Variants in WDR13 observed in about 807,000 individuals in gnomAD.
WDR13 encodes the protein WD repeat domain 13.
Under a neutral mutation model 28.6 loss-of-function variants are expected in WDR13, and 1 was observed. The ratio of observed to expected loss-of-function variants is 0.03; its 90% CI spans 0.01 to 0.17. The LOEUF (loss-of-function observed/expected upper bound fraction) is 0.17. Among genes scored for constraint, WDR13 ranks in the 10% least tolerant of loss-of-function variants. The probability of loss-of-function intolerance (pLI) is 1.00; values close to 1 mark genes in which losing one functional copy is unlikely to be tolerated. For synonymous variants in WDR13, 201 were observed against 185.9 expected (o/e 1.08, Z -0.66); for missense variants, 264 against 469.3 (o/e 0.56, Z 4.04).
In WDR13 at chrX:48,606,089, G is replaced by T. The variant is rs1381748416; in HGVS notation, c.*1057G>T. 9.2e-6 allele frequency: 1 copy of T among 108,309 alleles called. No individual in the cohort carries two copies. Among genetic ancestry groups the T allele is most frequent in the Non-Finnish European group, 1.9e-5 (1 of 52,283 alleles). 8.9% of individuals were successfully genotyped at this position (108,309 alleles called of 1,213,427 possible). ...TAGGACTTTGGCTTTTTTTCTGAGT[G>T]GGGGTGACCAGAAGGTGTCAAGCAG... is the stretch of plus-strand genomic sequence containing the variant. On this transcript the variant is annotated 3_prime_UTR_variant, in exon 10 of 10. Coordinates refer to ENST00000376729, the MANE Select transcript of WDR13 (RefSeq NM_001347217.2).
At chrX:48,599,179 G>A in intron 3 of WDR13, 174 bp from the exon 4 acceptor site, 1 of 655,330 alleles carries the variant, frequency 1.5e-6, no homozygotes, top group Non-Finnish European at 2.3e-6. Context: ...GGGGAGGGCA[G>A]GAACAGCAGA....
chrX:48,597,917 C>T, intron 1 of WDR13, 41 bp from the exon 2 acceptor site: 1 of 1,146,914 alleles, frequency 8.7e-7, no homozygotes, highest in South Asian at 2.0e-5. Flanking sequence ...AACTAGATCC[C>T]TTCGCTCGGG....
chrX:48,604,189 C>T (rs2062206403), intron 8 of WDR13, 83 bp from the exon 9 acceptor site: 1 of 871,640 alleles, frequency 1.1e-6, no homozygotes, highest in South Asian at 2.2e-5. Context: ...AGAACTTAGG[C>T]ACAGGGGTGG....
At position 48,606,408 on chromosome X, in the gene WDR13, C is replaced by G. The variant is rs2062221222; in HGVS notation, c.*1376C>G. 1 of 110,997 alleles carries G rather than the reference C, an allele frequency of 9.0e-6. No homozygotes were observed. Among genetic ancestry groups the G allele is most frequent in the Non-Finnish European group, 1.9e-5 (1 of 52,970 alleles). The allele number at this position is 110,997 out of a possible 1,213,427, so 9.1% of individuals were successfully genotyped here. On this transcript the variant is annotated 3_prime_UTR_variant, in exon 10 of 10. Coordinates refer to ENST00000376729, the MANE Select transcript of WDR13 (RefSeq NM_001347217.2). ...AAGCAGGGAGCAGAGGTGTTGAGTC[C>G]TGGAGCCCCAAGCTGGTGCAGGAGC... is the stretch of plus-strand genomic sequence containing the variant.
Position 48,600,389 on chromosome X carries a change from C to T in WDR13, c.594C>T (p.Ser198=). ...GCTGCTCACTCGACGGCAGCATCTC[C>T]CTGTGCCAGCTGGTGCCTGCCCCAC... ...LACCSLDGSI[S]LCQLVPAPPT... The change falls in exon 6 of 10, where the codon TCC becomes TCT. Residue 198 remains serine (S), a synonymous_variant. Transcript: ENST00000376729. The T allele has an allele frequency of 3.3e-6, 4 of 1,211,141 alleles. No homozygotes were observed. Among genetic ancestry groups the T allele is most frequent in the Non-Finnish European group, 4.5e-6 (4 of 895,597 alleles).
At chrX:48,598,983 C>T (rs369349964) in intron 3 of WDR13, 26 bp downstream of exon 3, 19 of 1,180,028 alleles carry the variant, frequency 1.6e-5, no homozygotes, top group Non-Finnish European at 1.5e-5. Context: ...CATTCACCCC[C>T]GGGCATACCC....
At chrX:48,598,232 G>A (rs1450465118) in intron 2 of WDR13, 195 bp downstream of exon 2, 29 of 1,105,652 alleles carry the variant, frequency 2.6e-5, no homozygotes, top group Non-Finnish European at 3.4e-5. Flanking sequence ...AGCAAGCTGG[G>A]AAAATGTGGT....
intron 9 of WDR13, 49 bp downstream of exon 9, chrX:48,604,439 A>G (rs1556995508): frequency 5.4e-6 from 6 of 1,114,727 alleles, no homozygotes; most frequent in Non-Finnish European, 7.3e-6. Context: ...AGGGGCAGGA[A>G]CCAGGGCTGG....
At chrX:48,603,727 C>G (rs1447306100) in intron 8 of WDR13, among the ~76,000 whole-genome samples, 7 of 111,295 alleles carry the variant, frequency 6.3e-5, no homozygotes, top group African/African-American at 2.3e-4. Flanking sequence ...GAAACCCCCC[C>G]AGGTTACCTG....
intron 1 of WDR13, 151 bp from the exon 2 acceptor site, chrX:48,597,807 T>G (rs2062152635): frequency 1.4e-6 from 1 of 726,429 alleles, no homozygotes; most frequent in East Asian, 3.9e-5. Context: ...AGGGCAGGGC[T>G]GGGGTGATGA....
At chrX:48,601,353 G>A (rs1250754620) in intron 6 of WDR13, among the ~76,000 whole-genome samples, 1 of 112,458 alleles carries the variant, frequency 8.9e-6, no homozygotes, top group Non-Finnish European at 1.9e-5. Context: ...AGTCTGGTGT[G>A]GCCCGGGGTG....
At chrX:48,599,891 A>G in intron 5 of WDR13, 174 bp downstream of exon 5, 1 of 701,257 alleles carries the variant, frequency 1.4e-6, no homozygotes, top group Non-Finnish European at 2.0e-6. Flanking sequence ...TGCTTCGTCT[A>G]CTGGAAAGGG....
chrX:48,600,593 C>T lies in WDR13; in HGVS notation c.798C>T (p.Cys266=). The change falls in exon 6 of 10, where the codon TGC becomes TGT. Residue 266 remains cysteine (C), a synonymous_variant. Coordinates refer to ENST00000376729, the MANE Select transcript of WDR13 (RefSeq NM_001347217.2). The part of the protein sequence containing the change: ...PDPDSAELLC[C]TFQPVNNNLT... ...CCGATAGCGCTGAACTGCTCTGCTG[C>T]ACCTTCCAGCCTGTCAACAACAACC... The T allele has an allele frequency of 2.5e-6, 3 of 1,210,629 alleles. No individual in the cohort carries two copies. Among genetic ancestry groups the T allele is most frequent in the Non-Finnish European group, 2.2e-6 (2 of 894,940 alleles).
In WDR13 at chrX:48,599,642, G is replaced by A; in HGVS notation, c.448G>A (p.Gly150Arg). The A allele has an allele frequency of 2.5e-6, 3 of 1,212,692 alleles. No individual in the cohort carries two copies. The highest frequency in any genetic ancestry group is 3.3e-6 in the Non-Finnish European group (3 of 895,691). ...SAAEASRAMA[G>R]DTSLSENYAF... ...AGCAGAGGCAAGTCGGGCCATGGCC[G>A]GGGACACGTCACTGAGCGAGAACTA... The change falls in exon 5 of 10, where the codon GGG (glycine) becomes AGG (arginine). Residue 150 changes from glycine to arginine, a missense_variant. Transcript: ENST00000376729.
At position 48,600,377 on chromosome X, in the gene WDR13, C is replaced by G; in HGVS notation, c.582C>G (p.Asp194Glu). 1 of 1,209,985 alleles carries G rather than the reference C, an allele frequency of 8.3e-7. No homozygotes were observed. The change falls in exon 6 of 10, where the codon GAC (aspartate) becomes GAG (glutamate). Residue 194 changes from aspartate to glutamate, a missense_variant. By Grantham distance (45) the Asp-to-Glu change is conservative (BLOSUM62 2). Around this residue, in one of 4 missense-constraint regions of WDR13, gnomAD observed 157 missense variants for 270.2 expected, o/e 0.58. Transcript: ENST00000376729. Reference protein sequence around the residue: ...DRHRLACCSLDGSISLCQLVP... With the variant: ...DRHRLACCSLEGSISLCQLVP... ...ACCGCCTGGCCTGCTGCTCACTCGA[C>G]GGCAGCATCTCCCTGTGCCAGCTGG...
rs2062225934 is a variant in WDR13, at chrX:48,607,307, C to T, written c.*2275C>T. On this transcript the variant is annotated 3_prime_UTR_variant, in exon 10 of 10. Coordinates refer to ENST00000376729, the MANE Select transcript of WDR13 (RefSeq NM_001347217.2). The stretch of plus-strand genomic sequence containing the variant: ...GACAATACATGCGAAATGTTGCTGA[C>T]CAAGGAAGCTCAATTAGAGACTCAG... 1 of 100,841 alleles carries T rather than the reference C, an allele frequency of 9.9e-6. No homozygotes were observed. The highest frequency in any genetic ancestry group is 4.5e-4 in the South Asian group (1 of 2,212). 8.3% of individuals were successfully genotyped at this position (100,841 alleles called of 1,213,427 possible).
rs1556996085 is a variant in WDR13 at position 48,606,648 on chromosome X, T to C, written c.*1616T>C. ...GGGGGTAAATAACCAAAATCACTTA[T>C]CAGTGGCCTGCGTCACCAGAAAATG... On this transcript the variant is annotated 3_prime_UTR_variant, in exon 10 of 10. Transcript: ENST00000376729. The C allele has an allele frequency of 8.9e-6, 1 of 112,193 alleles. No individual in the cohort carries two copies. The highest frequency in any genetic ancestry group is 3.2e-5 in the African/African-American group (1 of 30,900). The allele number at this position is 112,193 out of a possible 1,213,427, so 9.2% of individuals were successfully genotyped here. A position where few individuals can be genotyped will look rare whatever the true frequency, so the allele number is the denominator to read the frequency against.
Position 48,598,826 on chromosome X carries a change from C to T in WDR13, c.151C>T (p.Arg51Cys), listed in dbSNP as rs1556993527. The T allele has an allele frequency of 2.5e-6, 3 of 1,204,381 alleles. No homozygotes were observed. The highest frequency in any genetic ancestry group is 3.4e-6 in the Non-Finnish European group (3 of 892,544). Residue 51 changes from arginine to cysteine, a missense_variant, in exon 3 of 10, where the codon CGT becomes TGT. Transcript: ENST00000376729. ...NAKAGHPPAL[R>C]RQYLRLRGQL... ...CAAGGCTGGGCACCCCCCAGCGCTG[C>T]GTCGGCAGTACCTGAGGCTTCGGGG...
rs984208466 is a variant in WDR13 at position 48,599,379 on chromosome X, G to C, written c.309G>C (p.Leu103=). 8 of 1,201,936 alleles carry C rather than the reference G, an allele frequency of 6.7e-6. No individual in the cohort carries two copies. In the African/African-American group the frequency reaches 1.4e-4, roughly 21 times the overall value. Residue 103 remains leucine, a synonymous_variant, in exon 4 of 10, where the codon CTG becomes CTC. Transcript: ENST00000376729. ...ACTTTGAGGATGATCCTCGGGCCCT[G>C]GGGGCCCGTGGGCACCGTCGTTCTG... ...MEDFEDDPRA[L]GARGHRRSVS... is the part of the protein sequence containing the mutation.
Sources: allele counts gnomAD v4.1 joint callset (sites outside exome capture counted in the v4.1 genomes callset), GRCh38; gene constraint gnomAD v4.1.1; regional missense constraint gnomAD v4.1.1; transcripts MANE v1.5; gene names NCBI Gene and HGNC (gene_info 2026-07-23, HGNC 2026-07-21).